Variants in TMTC2 observed in about 807,000 individuals in gnomAD.
TMTC2 encodes protein O-mannosyl-transferase TMTC2.
In TMTC2, 43 loss-of-function variants were observed where a neutral mutation model predicts 82.4. The observed-to-expected ratio is 0.52, with a 90% CI of 0.41 to 0.67. The LOEUF is 0.67. Ranked by LOEUF, TMTC2 falls within the 30% of genes least tolerant of loss-of-function variation. The probability of loss-of-function intolerance (pLI) is 0.00; values close to 1 mark genes in which losing one functional copy is unlikely to be tolerated. For missense variants in TMTC2, 919 were observed against 1,012.4 expected (o/e 0.91, Z 1.25); for synonymous variants, 408 against 381.9 (o/e 1.07, Z -0.80).
chr12:82,977,193 A>T (rs549037216), intron 7 of TMTC2, among the ~76,000 whole-genome samples: 11 of 152,132 alleles, frequency 7.2e-5, no homozygotes, highest in African/African-American at 2.6e-4. Flanking sequence ...TCTTTTTCTC[A>T]AATTTATTTA....
At chr12:82,914,987 G>A (rs947424732) in intron 3 of TMTC2, among the ~76,000 whole-genome samples, 7 of 151,648 alleles carry the variant, frequency 4.6e-5, no homozygotes, top group East Asian at 3.9e-4. Context: ...CACCACGCCC[G>A]GCTAATTTTG....
At chr12:82,726,757 T>C (rs1271314550) in intron 1 of TMTC2, among the ~76,000 whole-genome samples, 2 of 151,174 alleles carry the variant, frequency 1.3e-5, no homozygotes, top group South Asian at 2.1e-4. Context: ...TGGGCGCCTG[T>C]AGTCCCAGCT....
intron 8 of TMTC2, among the ~76,000 whole-genome samples, chr12:83,015,796 T>C (rs1880651444): frequency 1.3e-5 from 2 of 152,236 alleles, no homozygotes; most frequent in Non-Finnish European, 2.9e-5. Flanking sequence ...ACTGTAATGC[T>C]GGGACTTGGG....
chr12:82,694,785 TAA>T (rs151273920), intron 1 of TMTC2, among the ~76,000 whole-genome samples: 3 of 149,322 alleles, frequency 2.0e-5, no homozygotes, highest in African/African-American at 7.4e-5. Flanking sequence ...AGATTTAAGT[TAA>T]AAAAAAAAAC....
At chr12:82,795,407 T>C (rs960082810) in intron 1 of TMTC2, among the ~76,000 whole-genome samples, 7 of 152,040 alleles carry the variant, frequency 4.6e-5, no homozygotes, top group Non-Finnish European at 1.0e-4. Context: ...CTCAGTCATA[T>C]GTTGATATCA....
chr12:82,994,563 T>C (rs1879534606), intron 8 of TMTC2, among the ~76,000 whole-genome samples: 2 of 152,036 alleles, frequency 1.3e-5, no homozygotes, highest in South Asian at 4.1e-4. Flanking sequence ...ATATTCCATA[T>C]TACTGGAGGC....
rs898984715 is a variant in TMTC2, at chr12:82,966,928, A to G, written c.1879A>G (p.Ser627Gly). 1.9e-6 allele frequency: 3 copies of G among 1,611,184 alleles called. No homozygotes were observed. The highest frequency in any genetic ancestry group is 1.6e-4 in the Middle Eastern group (1 of 6,076). Residue 627 changes from serine (S) to glycine (G), a missense_variant, in exon 7 of 12, where the codon AGT becomes GGT. Physicochemically the swap from Ser to Gly is moderately conservative, Grantham distance 56 (BLOSUM62 0). Coordinates refer to ENST00000321196, the MANE Select transcript of TMTC2 (RefSeq NM_152588.3). ...HEQGHYEEAL[S>G]VYKEAIQKMP... The stretch of plus-strand genomic sequence containing the variant: ...TTGTTTTATAAATTAGGAAGCCCTT[A>G]GTGTATACAAGGAAGCAATTCAGAA...
chr12:82,725,040 G>A (rs913693454), intron 1 of TMTC2, among the ~76,000 whole-genome samples: 7 of 151,966 alleles, frequency 4.6e-5, no homozygotes, highest in Non-Finnish European at 1.0e-4. Flanking sequence ...AAATTTCTGA[G>A]CATTCTTTTC....
At chr12:82,934,816 G>A (rs955281171) in intron 4 of TMTC2, among the ~76,000 whole-genome samples, 2 of 152,142 alleles carry the variant, frequency 1.3e-5, no homozygotes, top group African/African-American at 4.8e-5. Flanking sequence ...CACAGTGTTT[G>A]AACTAATTTA....
intron 1 of TMTC2, among the ~76,000 whole-genome samples, chr12:82,719,059 TTATATATATATATA>T (rs1271920285): frequency 4.2e-5 from 4 of 94,468 alleles, no homozygotes; most frequent in East Asian, 3.5e-4. Context: ...TTAGATGATT[TTATATATATATATA>T]TATATATATA....
chr12:82,994,808 A>G lies in TMTC2; in HGVS notation c.2070+8762A>G, dbSNP rs144322457. 4.5e-3 allele frequency among the ~76,000 whole-genome samples: 680 copies of G among 152,274 alleles called. 9 individuals are homozygous for G. The highest frequency in any genetic ancestry group is 0.016 in the African/African-American group (653 of 41,554). On this transcript the variant is annotated intron_variant, in intron 8 of 11. Transcript: ENST00000321196. The stretch of plus-strand genomic sequence containing the variant: ...TTCACAATAAAAGTCAGTCTACCAT[A>G]CTAGTGACTGGTGGAAATCGTTTTT...
intron 3 of TMTC2, among the ~76,000 whole-genome samples, chr12:82,924,390 C>T (rs12309576): frequency 0.012 from 1,873 of 152,240 alleles, 30 homozygotes; most frequent in African/African-American, 0.043. Flanking sequence ...TATACAGTGA[C>T]GTTTTCCTTT....
At chr12:83,120,188 C>T (rs1349035098) in intron 11 of TMTC2, among the ~76,000 whole-genome samples, 3 of 152,038 alleles carry the variant, frequency 2.0e-5, no homozygotes, top group Admixed American at 6.6e-5. Flanking sequence ...TTGTTGCCTG[C>T]GTACTTTGTT....
intron 1 of TMTC2, among the ~76,000 whole-genome samples, chr12:82,766,891 C>T (rs1371457143): frequency 4.6e-5 from 7 of 152,092 alleles, no homozygotes; most frequent in African/African-American, 7.2e-5. Context: ...CTCTGCCTCC[C>T]GGGTTCAAGC....
At chr12:83,105,115 G>A (rs1884350722) in intron 11 of TMTC2, among the ~76,000 whole-genome samples, 1 of 152,106 alleles carries the variant, frequency 6.6e-6, no homozygotes, top group African/African-American at 2.4e-5. Context: ...TTCCTCATTT[G>A]CATCTGAGAC....
chr12:82,979,659 GT>G (rs2137326417), intron 7 of TMTC2, among the ~76,000 whole-genome samples: 1 of 151,764 alleles, frequency 6.6e-6, no homozygotes, highest in Non-Finnish European at 1.5e-5. Context: ...ATAATATTCT[GT>G]GTTTTTCTCC....
At chr12:82,783,917 A>G (rs1043845209) in intron 1 of TMTC2, among the ~76,000 whole-genome samples, 1 of 152,102 alleles carries the variant, frequency 6.6e-6, no homozygotes, top group Non-Finnish European at 1.5e-5. Flanking sequence ...TCTGCCTGCT[A>G]TGTCCAAGAT....
chr12:82,969,460 T>G (rs1361819736), intron 7 of TMTC2, among the ~76,000 whole-genome samples: 1 of 152,146 alleles, frequency 6.6e-6, no homozygotes, highest in African/African-American at 2.4e-5. Flanking sequence ...GGAGTGTGCG[T>G]GAAAAAATAC....
At chr12:82,810,173 C>A (rs571955708) in intron 1 of TMTC2, among the ~76,000 whole-genome samples, 2 of 151,136 alleles carry the variant, frequency 1.3e-5, no homozygotes, top group South Asian at 4.2e-4. Flanking sequence ...GTTGCTTTTG[C>A]ATACCAGTTT....
Sources: allele counts gnomAD v4.1 joint callset (sites outside exome capture counted in the v4.1 genomes callset), GRCh38; gene constraint gnomAD v4.1.1; transcripts MANE v1.5; gene names NCBI Gene and HGNC (gene_info 2026-07-23, HGNC 2026-07-21).